The following ZDHHC14 variants were observed in gnomAD, a reference collection of about 807,000 sequenced individuals.
ZDHHC14 encodes the protein zDHHC palmitoyltransferase 14.
Under a neutral mutation model 47.7 loss-of-function variants are expected in ZDHHC14, and 16 were observed. The ratio of observed to expected loss-of-function variants is 0.34; its 90% CI spans 0.23 to 0.51. The LOEUF (loss-of-function observed/expected upper bound fraction) is 0.51, where lower values mean the gene tolerates loss of function less well. Among genes scored for constraint, ZDHHC14 ranks in the 20% least tolerant of loss-of-function variants. The pLI, the probability that ZDHHC14 is intolerant of heterozygous loss-of-function variation, is 0.97. For missense variants in ZDHHC14, 515 were observed against 662.5 expected (o/e 0.78, Z 2.44); for synonymous variants, 293 against 278.9 (o/e 1.05, Z -0.50).
intron 1 of ZDHHC14, among the ~76,000 whole-genome samples, chr6:157,458,070 G>C (rs1416935027): frequency 4.6e-5 from 7 of 152,222 alleles, no homozygotes; most frequent in Admixed American, 4.6e-4. Context: ...CTCTCAGGCG[G>C]ATATGCCTCC....
chr6:157,591,594 C>T (rs1216317481), intron 2 of ZDHHC14, among the ~76,000 whole-genome samples: 1 of 152,150 alleles, frequency 6.6e-6, no homozygotes, highest in Non-Finnish European at 1.5e-5. Context: ...ATCAATTATC[C>T]AGTCTCAGGT....
Position 157,525,171 on chromosome 6 carries a change from G to GT in ZDHHC14, c.246-17407dup, listed in dbSNP as rs1436725123. ...GCTGGGATTTTGTTTTTTGTTTTTT[G>GT]TTTTTTTGAGACAGAGTCTCACCCT... On this transcript the variant is annotated intron_variant, in intron 1 of 8. Transcript: ENST00000359775. 2.0e-5 allele frequency among the ~76,000 whole-genome samples: 3 copies of GT among 151,882 alleles called. No homozygotes were observed. The South Asian group carries it at 6.2e-4, about 32-fold the overall frequency.
intron 4 of ZDHHC14, among the ~76,000 whole-genome samples, chr6:157,629,041 G>A (rs142168146): frequency 1.2e-4 from 19 of 152,278 alleles, no homozygotes; most frequent in East Asian, 9.6e-4. Context: ...AGATGTTTAC[G>A]TATCTGCTAG....
At chr6:157,668,494 G>T (rs188696430) in intron 8 of ZDHHC14, among the ~76,000 whole-genome samples, 3 of 148,158 alleles carry the variant, frequency 2.0e-5, no homozygotes, top group African/African-American at 7.5e-5. Context: ...GACCAGCCTG[G>T]CCAACACAGT....
chr6:157,605,379 T>A (rs1407260579), intron 3 of ZDHHC14, among the ~76,000 whole-genome samples: 2 of 152,186 alleles, frequency 1.3e-5, no homozygotes, highest in African/African-American at 2.4e-5. Context: ...ATTAAATAAG[T>A]GAAATGAATA....
intron 1 of ZDHHC14, among the ~76,000 whole-genome samples, chr6:157,416,914 C>T (rs34022078): frequency 6.8e-6 from 1 of 147,666 alleles, no homozygotes. Context: ...TCAAGCGATT[C>T]TCCTGCCTCA....
At chr6:157,476,206 G>GA (rs1397645594) in intron 1 of ZDHHC14, among the ~76,000 whole-genome samples, 4 of 151,920 alleles carry the variant, frequency 2.6e-5, no homozygotes, top group African/African-American at 7.2e-5. Context: ...GACTAAAAAC[G>GA]AAAAAAGACT....
At chr6:157,431,061 C>G (rs1778329889) in intron 1 of ZDHHC14, among the ~76,000 whole-genome samples, 2 of 152,170 alleles carry the variant, frequency 1.3e-5, no homozygotes, top group Non-Finnish European at 2.9e-5. Flanking sequence ...CTCACAGACT[C>G]CCATCTGCCA....
At chr6:157,406,082 T>C (rs1171649980) in intron 1 of ZDHHC14, among the ~76,000 whole-genome samples, 1 of 152,180 alleles carries the variant, frequency 6.6e-6, no homozygotes, top group Non-Finnish European at 1.5e-5. Flanking sequence ...AAATATTAAT[T>C]CCTAGCGGGA....
intron 1 of ZDHHC14, among the ~76,000 whole-genome samples, chr6:157,424,378 T>C (rs1778174156): frequency 6.6e-6 from 1 of 152,180 alleles, no homozygotes; most frequent in Non-Finnish European, 1.5e-5. Flanking sequence ...CAAGTAAACG[T>C]TGAATCTGAC....
At chr6:157,628,835 G>C (rs555214711) in intron 4 of ZDHHC14, among the ~76,000 whole-genome samples, 8 of 152,250 alleles carry the variant, frequency 5.3e-5, no homozygotes, top group Non-Finnish European at 1.0e-4. Context: ...TCCCCTGGAA[G>C]ACTCATCCCC....
intron 4 of ZDHHC14, among the ~76,000 whole-genome samples, chr6:157,629,055 A>G (rs982639741): frequency 6.6e-6 from 1 of 152,266 alleles, no homozygotes; most frequent in Non-Finnish European, 1.5e-5. Context: ...CTGCTAGAAC[A>G]TGAGCTAACT....
At chr6:157,593,184 G>A in intron 3 of ZDHHC14, 38 bp downstream of exon 3, 1 of 1,582,352 alleles carries the variant, frequency 6.3e-7, no homozygotes, top group South Asian at 1.2e-5. Flanking sequence ...GGGAGCCCGG[G>A]TCCTCCGGGT....
intron 1 of ZDHHC14, among the ~76,000 whole-genome samples, chr6:157,422,457 G>A (rs923515572): frequency 2.6e-5 from 4 of 152,076 alleles, no homozygotes; most frequent in Admixed American, 6.6e-5. Flanking sequence ...GGACCCGTTC[G>A]CTATTATGAA....
At chr6:157,446,256 G>A (rs570453601) in intron 1 of ZDHHC14, among the ~76,000 whole-genome samples, 9 of 152,254 alleles carry the variant, frequency 5.9e-5, no homozygotes, top group African/African-American at 1.4e-4. Context: ...GGCACACTCA[G>A]CTCTTTGTAG....
chr6:157,616,124 G>A (rs903272999), intron 3 of ZDHHC14, among the ~76,000 whole-genome samples: 1 of 152,180 alleles, frequency 6.6e-6, no homozygotes, highest in Admixed American at 6.5e-5. Flanking sequence ...GGCCCTGTTG[G>A]CAACAGTGTG....
At chr6:157,489,027 C>T (rs1459473663) in intron 1 of ZDHHC14, among the ~76,000 whole-genome samples, 5 of 152,220 alleles carry the variant, frequency 3.3e-5, no homozygotes, top group Admixed American at 2.0e-4. Context: ...GGTTTGTTTA[C>T]TGTAGCGGCT....
At chr6:157,626,455 T>G (rs1162287998) in intron 3 of ZDHHC14, among the ~76,000 whole-genome samples, 1 of 152,210 alleles carries the variant, frequency 6.6e-6, no homozygotes, top group Non-Finnish European at 1.5e-5. Flanking sequence ...ATACAGACTG[T>G]GCAGATCAGT....
intron 1 of ZDHHC14, among the ~76,000 whole-genome samples, chr6:157,518,217 T>A (rs981444811): frequency 1.3e-5 from 2 of 152,032 alleles, no homozygotes; most frequent in African/African-American, 4.8e-5. Flanking sequence ...AATCATGCAC[T>A]ATGAAGGAAG....
Sources: allele counts gnomAD v4.1 joint callset (sites outside exome capture counted in the v4.1 genomes callset), GRCh38; gene constraint gnomAD v4.1.1; transcripts MANE v1.5; gene names NCBI Gene and HGNC (gene_info 2026-07-23, HGNC 2026-07-21).